EFCAB8: variants seen among roughly 807,000 people sequenced by gnomAD.
EFCAB8 encodes EF-hand calcium-binding domain-containing protein 8.
In EFCAB8, 100 loss-of-function variants were observed where a neutral mutation model predicts 116.3. That is an observed-to-expected ratio of 0.86 (90% CI 0.73 to 1.02). The LOEUF (loss-of-function observed/expected upper bound fraction) is 1.02, where lower values mean the gene tolerates loss of function less well. Ranked by LOEUF, EFCAB8 falls within the 50% of genes least tolerant of loss-of-function variation. The pLI, the probability that EFCAB8 is intolerant of heterozygous loss-of-function variation, is 0.00. For missense variants in EFCAB8, 1,320 were observed against 1,416.9 expected (o/e 0.93, Z 1.10); for synonymous variants, 558 against 567.9 (o/e 0.98, Z 0.25).
chr20:32,885,416 C>T, intron 5 of EFCAB8, 89 bp from the exon 6 acceptor site: 4 of 1,510,378 alleles, frequency 2.6e-6, no homozygotes, highest in Non-Finnish European at 3.6e-6. Context: ...TTTTGTCCCT[C>T]CTCCTCGGTG....
chr20:32,957,403 G>T (rs1044765038), intron 23 of EFCAB8, among the ~76,000 whole-genome samples: 1 of 151,970 alleles, frequency 6.6e-6, no homozygotes, highest in Non-Finnish European at 1.5e-5. Flanking sequence ...CAGAGCATTT[G>T]CTCTTTCCTC....
chr20:32,911,655 A>G lies in EFCAB8; in HGVS notation c.1733A>G (p.Asn578Ser). ...GLRDGTMKMW[N>S]YNIGKCLLTF... ...CGGGATGGCACAATGAAGATGTGGA[A>G]CTACAACATTGGCAAATGCCTGTTG... Residue 578 changes from asparagine (N) to serine (S), a missense_variant, in exon 16 of 27, where the codon AAC becomes AGC. By Grantham distance (46) the Asn-to-Ser change is conservative. Coordinates refer to ENST00000400522, the MANE Select transcript of EFCAB8 (RefSeq NM_001143967.2). 1 of 1,551,760 alleles carries G rather than the reference A, an allele frequency of 6.4e-7. No individual in the cohort carries two copies. The highest frequency in any genetic ancestry group is 1.7e-4 in the Middle Eastern group (1 of 5,992).
At chr20:32,900,843 C>T (rs1276572806) in intron 11 of EFCAB8, among the ~76,000 whole-genome samples, 1 of 152,204 alleles carries the variant, frequency 6.6e-6, no homozygotes, top group Non-Finnish European at 1.5e-5. Context: ...ACTGGGATTA[C>T]AGGCGTGAGC....
chr20:32,928,920 G>A (rs1379434575), intron 20 of EFCAB8, among the ~76,000 whole-genome samples: 3 of 149,312 alleles, frequency 2.0e-5, no homozygotes, highest in Admixed American at 6.7e-5. Context: ...TTGTCAAATC[G>A]TTTTCTGCAT....
intron 23 of EFCAB8, among the ~76,000 whole-genome samples, chr20:32,945,513 T>C (rs1300267410): frequency 6.6e-6 from 1 of 152,214 alleles, no homozygotes; most frequent in Non-Finnish European, 1.5e-5. Context: ...AGTTTGTTCA[T>C]GTATTGTTTC....
At position 32,931,187 on chromosome 20, in the gene EFCAB8, A is replaced by C. The variant is rs1392777900; in HGVS notation, c.2641A>C (p.Ile881Leu). ...DCKGYIKIWD[I>L]KDYCALIDKQ... Reference sequence around the variant, plus strand: ...CACACTTTATGTCTAGATCTGGGACATCAAGGATTACTGCGCATTGATTGA... The same window carrying C: ...CACACTTTATGTCTAGATCTGGGACCTCAAGGATTACTGCGCATTGATTGA... The change falls in exon 22 of 27, where the codon ATC becomes CTC. Residue 881 changes from isoleucine to leucine, a missense_variant. Coordinates refer to ENST00000400522, the MANE Select transcript of EFCAB8 (RefSeq NM_001143967.2). 3 of 1,543,614 alleles carry C rather than the reference A, an allele frequency of 1.9e-6. No homozygotes were observed. The highest frequency in any genetic ancestry group is 4.0e-5 in the Admixed American group (2 of 50,038).
rs147869083 is a variant in EFCAB8 at position 32,889,915 on chromosome 20, T to C, written c.673+509T>C. 4.1e-3 allele frequency among the ~76,000 whole-genome samples: 612 copies of C among 149,786 alleles called. 5 individuals are homozygous for C. Among genetic ancestry groups the C allele is most frequent in the African/African-American group, 0.015 (593 of 40,632 alleles). On this transcript the variant is annotated intron_variant, in intron 7 of 26. Coordinates refer to ENST00000400522, the MANE Select transcript of EFCAB8 (RefSeq NM_001143967.2). ...TACTCAGGAGGCTGAGGCAGGAGAA[T>C]CGCTTGAACCTGGAGGTGGAGGTTG...
intron 10 of EFCAB8, 144 bp from the exon 11 acceptor site, chr20:32,898,349 A>G (rs1291403252): frequency 3.4e-6 from 2 of 585,952 alleles, no homozygotes; most frequent in Non-Finnish European, 3.1e-6. Flanking sequence ...GCGGGGCCAC[A>G]TCACTTTGTG....
At chr20:32,938,511 A>G (rs115571893) in intron 22 of EFCAB8, among the ~76,000 whole-genome samples, 1,893 of 149,966 alleles carry the variant, frequency 0.013, 168 homozygotes, top group African/African-American at 0.045. Context: ...AACTATCTCT[A>G]TCTGCAGATG....
chr20:32,940,815 G>A (rs1290492128), intron 22 of EFCAB8, among the ~76,000 whole-genome samples: 2 of 150,016 alleles, frequency 1.3e-5, no homozygotes, highest in East Asian at 3.9e-4. Context: ...TATATTAAAT[G>A]ATGGTGAACA....
At chr20:32,960,037 T>C in intron 25 of EFCAB8, 26 bp from the exon 26 acceptor site, 1 of 1,551,612 alleles carries the variant, frequency 6.4e-7, no homozygotes. Context: ...ACTCGCAGCC[T>C]TCATTCTTGG....
intron 24 of EFCAB8, 26 bp from the exon 25 acceptor site, chr20:32,959,752 C>T: frequency 2.1e-6 from 3 of 1,443,314 alleles, no homozygotes; most frequent in Non-Finnish European, 2.8e-6. Context: ...GGGGGGACAT[C>T]TTGTGAAGGA....
chr20:32,954,718 A>G (rs1858621), intron 23 of EFCAB8, among the ~76,000 whole-genome samples: 103,690 of 152,078 alleles, frequency 0.68, 36,141 homozygotes, highest in African/African-American at 0.77. Flanking sequence ...TCTATTTCTA[A>G]TTAGCCAAGA....
intron 5 of EFCAB8, among the ~76,000 whole-genome samples, chr20:32,884,864 C>T (rs1985529606): frequency 6.6e-6 from 1 of 152,194 alleles, no homozygotes. Flanking sequence ...GGCCAGATAG[C>T]TGGCTTAGCC....
chr20:32,863,824 A>G lies in EFCAB8; in HGVS notation c.32A>G (p.Gln11Arg). MSSEDLAEIPQLQKLSIPHGF... is the reference protein window; with the variant it reads MSSEDLAEIPRLQKLSIPHGF... The stretch of plus-strand genomic sequence containing the variant: ...TCTGAAGACTTAGCAGAGATCCCTC[A>G]ACTCCAAAAGGTAAGAAAGACAATT... Residue 11 changes from glutamine to arginine, a missense_variant, in exon 2 of 27, where the codon CAA becomes CGA. Coordinates refer to ENST00000400522, the MANE Select transcript of EFCAB8 (RefSeq NM_001143967.2). 2.6e-6 allele frequency: 4 copies of G among 1,551,554 alleles called. No individual in the cohort carries two copies. Among genetic ancestry groups the G allele is most frequent in the Non-Finnish European group, 3.5e-6 (4 of 1,146,886 alleles).
chr20:32,929,459 TCCCTCCCCTCCCCTC>T (rs759285266), intron 20 of EFCAB8, among the ~76,000 whole-genome samples: 1 of 139,498 alleles, frequency 7.2e-6, no homozygotes, highest in Non-Finnish European at 1.5e-5. Context: ...TTTTCTCCCT[TCCCTCCCCTCCCCTC>T]CCCTCCCCTC....
At chr20:32,898,402 C>T in intron 10 of EFCAB8, 91 bp from the exon 11 acceptor site, 1 of 661,392 alleles carries the variant, frequency 1.5e-6, no homozygotes. Flanking sequence ...CTCTGGGCAC[C>T]TCCAGTCCCA....
intron 23 of EFCAB8, among the ~76,000 whole-genome samples, chr20:32,957,579 A>G (rs567845040): frequency 6.6e-6 from 1 of 152,110 alleles, no homozygotes; most frequent in African/African-American, 2.4e-5. Flanking sequence ...CAATGATCTC[A>G]TTCGGCTTTT....
At chr20:32,928,600 CT>C (rs528752871) in intron 20 of EFCAB8, among the ~76,000 whole-genome samples, 3 of 151,992 alleles carry the variant, frequency 2.0e-5, no homozygotes, top group East Asian at 1.9e-4. Flanking sequence ...TTGTTAGCCC[CT>C]TTTTTTTGGT....
Sources: gnomAD v4.1 joint callset for allele counts (sites outside exome capture counted in the v4.1 genomes callset) on GRCh38, gnomAD v4.1.1 for gene constraint, MANE v1.5 for transcripts, NCBI Gene and HGNC (gene_info 2026-07-23, HGNC 2026-07-21) for gene names.